The following NRXN1 variants were observed in gnomAD, a reference collection of about 807,000 sequenced individuals.
NRXN1 encodes the protein neurexin-1.
NRXN1 carries 39 observed loss-of-function variants against 150.9 expected under a neutral mutation model. That is an observed-to-expected ratio of 0.26 (90% CI 0.20 to 0.34). The LOEUF is 0.34. Ranked by LOEUF, NRXN1 falls within the 10% of genes least tolerant of loss-of-function variation. The pLI, the probability that NRXN1 is intolerant of heterozygous loss-of-function variation, is 1.00. For missense variants in NRXN1, 1,815 were observed against 1,949.9 expected (o/e 0.93, Z 1.30); for synonymous variants, 924 against 757.0 (o/e 1.22, Z -3.62).
chr2:50,615,663 A>G (rs1466123474), intron 8 of NRXN1: 2 of 152,156 alleles, frequency 1.3e-5, no homozygotes, highest in East Asian at 1.9e-4. Context: ...TTCTTAAAAT[A>G]TATCTAGTGA....
chr2:50,132,306 CT>C (rs71401059), intron 18 of NRXN1, among the ~76,000 whole-genome samples: 31,659 of 139,172 alleles, frequency 0.23, 3,517 homozygotes, highest in Middle Eastern at 0.31. Context: ...TCCCAAAACT[CT>C]TTTTTTTTTT....
chr2:50,881,890 C>T (rs1679486975), intron 5 of NRXN1, among the ~76,000 whole-genome samples: 1 of 151,640 alleles, frequency 6.6e-6, no homozygotes, highest in South Asian at 2.1e-4. Flanking sequence ...CAGCTGAGAA[C>T]ATACTGTTTT....
chr2:49,938,209 C>T (rs772782341), intron 22 of NRXN1, among the ~76,000 whole-genome samples: 7 of 152,168 alleles, frequency 4.6e-5, no homozygotes, highest in Non-Finnish European at 1.0e-4. Flanking sequence ...CTAGAGAATA[C>T]ACCAGCTCTC....
At chr2:50,984,069 G>C (rs1022171159) in intron 2 of NRXN1, among the ~76,000 whole-genome samples, 2 of 149,298 alleles carry the variant, frequency 1.3e-5, no homozygotes, top group African/African-American at 4.9e-5. Flanking sequence ...CTGGGTTCAA[G>C]CAATCCTCCC....
intron 8 of NRXN1, among the ~76,000 whole-genome samples, chr2:50,563,506 A>G (rs1033395700): frequency 2.0e-5 from 3 of 152,186 alleles, no homozygotes; most frequent in Non-Finnish European, 4.4e-5. Flanking sequence ...TGGCCAGTAT[A>G]TAGGAGTTAT....
chr2:50,454,325 C>G (rs1312320799), intron 17 of NRXN1, among the ~76,000 whole-genome samples: 1 of 151,560 alleles, frequency 6.6e-6, no homozygotes, highest in African/African-American at 2.4e-5. Flanking sequence ...GAATCCATCT[C>G]GAAGTAAATA....
intron 17 of NRXN1, among the ~76,000 whole-genome samples, chr2:50,333,797 T>C (rs1378978449): frequency 1.3e-5 from 2 of 151,992 alleles, no homozygotes; most frequent in African/African-American, 4.8e-5. Context: ...CTCTGCATTC[T>C]TGGCACTCAG....
At chr2:50,957,727 A>G (rs539840757) in intron 2 of NRXN1, among the ~76,000 whole-genome samples, 2 of 152,264 alleles carry the variant, frequency 1.3e-5, no homozygotes, top group Non-Finnish European at 2.9e-5. Context: ...ATTTATTCTT[A>G]ATTACTTTTG....
At chr2:50,752,630 T>G (rs959904494) in intron 5 of NRXN1, among the ~76,000 whole-genome samples, 3 of 151,820 alleles carry the variant, frequency 2.0e-5, no homozygotes, top group Non-Finnish European at 4.4e-5. Context: ...TTCATTAATT[T>G]AAATTTTAAA....
At chr2:50,736,698 TCTG>T (rs1280037965) in intron 5 of NRXN1, among the ~76,000 whole-genome samples, 1 of 152,164 alleles carries the variant, frequency 6.6e-6, no homozygotes, top group African/African-American at 2.4e-5. Context: ...CCTTTCGCCT[TCTG>T]CCATGATTGT....
At chr2:50,187,628 A>G (rs1262311218) in intron 18 of NRXN1, among the ~76,000 whole-genome samples, 1 of 152,140 alleles carries the variant, frequency 6.6e-6, no homozygotes. Context: ...AATTCTGTGA[A>G]GAAAGTCAAT....
At position 50,538,431 on chromosome 2, in the gene NRXN1, A is replaced by G. The variant is rs1573455923; in HGVS notation, c.1965T>C (p.Asp655=). ...RDLFIDGQSK[D]IRQMAEVQST... ...TTTGAACTTCAGCCATTTGCCGGATATCTTTGCTTTGGCCATCGATGAACA... is the reference window on the plus strand; with the variant it reads ...TTTGAACTTCAGCCATTTGCCGGATGTCTTTGCTTTGGCCATCGATGAACA... Residue 655 remains aspartate (D), a synonymous_variant, in exon 10 of 23, where the codon GAT becomes GAC. Transcript: ENST00000401669. 6.2e-7 allele frequency: 1 copy of G among 1,613,986 alleles called. No individual in the cohort carries two copies. Among genetic ancestry groups the G allele is most frequent in the African/African-American group, 1.3e-5 (1 of 75,052 alleles).
intron 5 of NRXN1, among the ~76,000 whole-genome samples, chr2:50,779,095 T>C (rs1252755453): frequency 6.6e-6 from 1 of 152,238 alleles, no homozygotes; most frequent in Non-Finnish European, 1.5e-5. Context: ...TACCTAGGCA[T>C]ACTTGTGCCA....
rs377311531 is a variant in NRXN1, at chr2:50,714,621, C to CA, written c.833-91007dup. ...TACAATGAACAAAAGGCCTGGAGCT[C>CA]AGAGTTGGAAACTGAAAGTTTCCAG... On this transcript the variant is annotated intron_variant, in intron 5 of 22. Transcript: ENST00000401669. Among the ~76,000 whole-genome samples, 528 of 152,228 alleles carry CA rather than the reference C, an allele frequency of 3.5e-3. 5 individuals carry two copies. The highest frequency in any genetic ancestry group is 0.012 in the African/African-American group (487 of 41,554).
intron 21 of NRXN1, among the ~76,000 whole-genome samples, chr2:50,041,158 T>A (rs999321219): frequency 1.1e-4 from 17 of 152,202 alleles, no homozygotes; most frequent in Non-Finnish European, 2.9e-5. Flanking sequence ...TCAAGATCTG[T>A]CTGTTGTGAG....
intron 5 of NRXN1, among the ~76,000 whole-genome samples, chr2:50,750,064 T>C (rs901349266): frequency 6.6e-6 from 1 of 152,062 alleles, no homozygotes; most frequent in Non-Finnish European, 1.5e-5. Context: ...AAGTAAGATA[T>C]GCATAGACAT....
chr2:50,346,063 G>A lies in NRXN1; in HGVS notation c.3365-109093C>T, dbSNP rs1024619637. 6.6e-6 allele frequency among the ~76,000 whole-genome samples: 1 copy of A among 152,192 alleles called. No homozygotes were observed. Among genetic ancestry groups the A allele is most frequent in the African/African-American group, 2.4e-5 (1 of 41,460 alleles). On this transcript the variant is annotated intron_variant, in intron 17 of 22. Transcript: ENST00000401669. This position sits in a 1 kb window ranked among gnomAD's most constrained non-coding sequence, Gnocchi z 5.0. Reference sequence around the variant, plus strand: ...GTCCCCTCCATGCCTGCGAAGGGCTGGCCCGCATTAAAGGGGATGACTCGG... The same window carrying A: ...GTCCCCTCCATGCCTGCGAAGGGCTAGCCCGCATTAAAGGGGATGACTCGG...
chr2:50,411,497 A>G (rs1235790730), intron 17 of NRXN1, among the ~76,000 whole-genome samples: 1 of 145,714 alleles, frequency 6.9e-6, no homozygotes, highest in Non-Finnish European at 1.5e-5. Flanking sequence ...ATCGTCTGGG[A>G]TGTGGGGAGT....
At chr2:50,025,383 T>C (rs1175361532) in intron 21 of NRXN1, among the ~76,000 whole-genome samples, 1 of 152,166 alleles carries the variant, frequency 6.6e-6, no homozygotes, top group Non-Finnish European at 1.5e-5. Context: ...GACTGGCTTA[T>C]ACGGCGACAA....
Sources: allele counts gnomAD v4.1 joint callset (sites outside exome capture counted in the v4.1 genomes callset), GRCh38; gene constraint gnomAD v4.1.1; non-coding constraint Gnocchi (gnomAD v3.1); transcripts MANE v1.5; gene names NCBI Gene and HGNC (gene_info 2026-07-23, HGNC 2026-07-21).